The following TRPC6 variants were observed in gnomAD, a reference collection of about 807,000 sequenced individuals.
The protein encoded by TRPC6 is transient receptor potential cation channel subfamily C member 6.
In TRPC6, 55 loss-of-function variants were observed where a neutral mutation model predicts 90.7. The ratio of observed to expected loss-of-function variants is 0.61; its 90% CI spans 0.49 to 0.76. The LOEUF (loss-of-function observed/expected upper bound fraction) is 0.76. Among genes scored for constraint, TRPC6 ranks in the 30% least tolerant of loss-of-function variants. The pLI is 0.00. For synonymous variants in TRPC6, 393 were observed against 393.0 expected, an observed-to-expected ratio of 1.00 and a Z score of 0.00; for missense variants, 989 against 1,122.7, an observed-to-expected ratio of 0.88 and a Z score of 1.70.
At chr11:101,504,875 A>C in intron 1 of TRPC6, 77 bp from the exon 2 acceptor site, 2 of 1,534,592 alleles carry the variant, frequency 1.3e-6, no homozygotes, top group Non-Finnish European at 1.8e-6. Context: ...CCATTCATCT[A>C]ATACAATCCT....
chr11:101,453,667 C>T lies in TRPC6; in HGVS notation c.2627G>A (p.Ser876Asn), dbSNP rs1858816563. The T allele has an allele frequency of 1.2e-6, 2 of 1,613,970 alleles. No homozygotes were observed. Among genetic ancestry groups the T allele is most frequent in the Non-Finnish European group, 1.7e-6 (2 of 1,179,870 alleles). The change falls in exon 12 of 13, where the codon AGT becomes AAT. Residue 876 changes from serine (S) to asparagine (N), a missense_variant. Ser to Asn is a conservative substitution (Grantham distance 46, BLOSUM62 1). Coordinates refer to ENST00000344327, the MANE Select transcript of TRPC6 (RefSeq NM_004621.6). ...CAACTCACCTTCGTTCACTTCATCA[C>T]TCTCCTTATCTATCTGGGCCTGCAG... ...YVLQAQIDKE[S>N]DEVNEGELKE...
rs149528789 is a variant in TRPC6 at position 101,579,472 on chromosome 11, T to C, written c.170+3862A>G. ...ACTGACTCTCACTCTTGGTCGATTG[T>C]TTCCTTGTGTGTTTTGTTATTCATT... is the stretch of plus-strand genomic sequence containing the variant. On this transcript the variant is annotated intron_variant, in intron 1 of 12. Transcript: ENST00000344327. 2.2e-4 allele frequency among the ~76,000 whole-genome samples: 33 copies of C among 152,322 alleles called. 1 individual carries two copies. The East Asian group carries it at 6.4e-3, about 29-fold the overall frequency.
At chr11:101,453,936 A>C (rs1591518497) in intron 11 of TRPC6, among the ~76,000 whole-genome samples, 1 of 152,198 alleles carries the variant, frequency 6.6e-6, no homozygotes, top group African/African-American at 2.4e-5. Context: ...CTAATGACTC[A>C]AAAGTGAGTT....
At chr11:101,492,341 T>C (rs1859847220) in intron 2 of TRPC6, among the ~76,000 whole-genome samples, 2 of 152,086 alleles carry the variant, frequency 1.3e-5, no homozygotes, top group Non-Finnish European at 2.9e-5. Flanking sequence ...CCCCTCACTT[T>C]GGGAGGCTGA....
At chr11:101,571,601 G>T (rs1052583330) in intron 1 of TRPC6, among the ~76,000 whole-genome samples, 3 of 152,002 alleles carry the variant, frequency 2.0e-5, no homozygotes, top group Non-Finnish European at 2.9e-5. Flanking sequence ...GAGGCATCAC[G>T]CTACCTGACT....
chr11:101,471,250 T>G lies in TRPC6; in HGVS notation c.2342A>C (p.Lys781Thr). ...CTGGAACAGCTCAGAAATCCATTTT[T>G]TAAGCTTCAGTAAGAGATAAAACAG... is the stretch of plus-strand genomic sequence containing the variant. ...KSLFYLLLKL[K>T]KWISELFQGH... The change falls in exon 9 of 13, where the codon AAA becomes ACA. Residue 781 changes from lysine (K) to threonine (T), a missense_variant. Physicochemically the swap from Lys to Thr is moderately conservative, Grantham distance 78. Around this residue, in one of 4 missense-constraint regions of TRPC6, gnomAD observed 191 missense variants for 196.7 expected, o/e 0.97. Transcript: ENST00000344327. The G allele has an allele frequency of 6.2e-7, 1 of 1,614,036 alleles. No individual in the cohort carries two copies. Among genetic ancestry groups the G allele is most frequent in the Non-Finnish European group, 8.5e-7 (1 of 1,179,908 alleles).
intron 2 of TRPC6, 102 bp downstream of exon 2, chr11:101,503,922 T>A (rs1860192072): frequency 7.2e-7 from 1 of 1,394,510 alleles, no homozygotes; most frequent in Admixed American, 1.7e-5. Flanking sequence ...AATGACCTAG[T>A]GTCCACAGTA....
chr11:101,576,456 C>G (rs1862072155), intron 1 of TRPC6, among the ~76,000 whole-genome samples: 1 of 152,146 alleles, frequency 6.6e-6, no homozygotes, highest in Non-Finnish European at 1.5e-5. Context: ...GTATTCTGCT[C>G]TAAACAGAGA....
At chr11:101,454,874 G>T in intron 11 of TRPC6, 144 bp downstream of exon 11, 2 of 611,148 alleles carry the variant, frequency 3.3e-6, no homozygotes, top group Non-Finnish European at 2.8e-6. Flanking sequence ...AAAATGCCTG[G>T]TACATGGTAA....
At chr11:101,536,311 C>T (rs1343819568) in intron 1 of TRPC6, among the ~76,000 whole-genome samples, 1 of 151,908 alleles carries the variant, frequency 6.6e-6, no homozygotes, top group South Asian at 2.1e-4. Flanking sequence ...CGCTTGAATC[C>T]GGGAGGCGGA....
intron 10 of TRPC6, among the ~76,000 whole-genome samples, chr11:101,465,341 T>C (rs1334641346): frequency 6.6e-6 from 1 of 152,218 alleles, no homozygotes; most frequent in East Asian, 1.9e-4. Context: ...CCTGTCTTAC[T>C]GGGTTGGGGA....
chr11:101,477,686 T>G (rs1253983003), intron 5 of TRPC6, among the ~76,000 whole-genome samples: 1 of 152,206 alleles, frequency 6.6e-6, no homozygotes, highest in Non-Finnish European at 1.5e-5. Flanking sequence ...TATCTAAAAC[T>G]CAGTTTGTAA....
intron 3 of TRPC6, among the ~76,000 whole-genome samples, chr11:101,490,096 C>G (rs1029265643): frequency 6.6e-6 from 1 of 151,894 alleles, no homozygotes; most frequent in Non-Finnish European, 1.5e-5. Flanking sequence ...TTTTTGTTTA[C>G]GAGTAAAAGT....
intron 10 of TRPC6, among the ~76,000 whole-genome samples, chr11:101,468,513 A>T (rs1444734268): frequency 2.0e-5 from 3 of 152,248 alleles, no homozygotes; most frequent in Admixed American, 1.3e-4. Flanking sequence ...TCAATGAGAT[A>T]TAACAACAGA....
rs1325101835 is a variant in TRPC6 at position 101,453,601 on chromosome 11, C to G, written c.2644+49G>C. The G allele has an allele frequency of 2.6e-6, 4 of 1,566,720 alleles. No individual in the cohort carries two copies. In the African/African-American group the frequency reaches 5.4e-5, roughly 21 times the overall value. ...TCTCCAGGCACTCTGCGCTAGGCCC[C>G]CGTCCTGACTCACATTCAGGGGCTG... On this transcript the variant is annotated intron_variant, in intron 12 of 12. Coordinates refer to ENST00000344327, the MANE Select transcript of TRPC6 (RefSeq NM_004621.6).
chr11:101,550,702 AAC>A (rs1370474736), intron 1 of TRPC6, among the ~76,000 whole-genome samples: 1 of 151,800 alleles, frequency 6.6e-6, no homozygotes, highest in Non-Finnish European at 1.5e-5. Flanking sequence ...TACATTATAA[AAC>A]ACAAACAGAT....
chr11:101,502,434 G>C (rs1591092415), intron 2 of TRPC6, among the ~76,000 whole-genome samples: 1 of 152,138 alleles, frequency 6.6e-6, no homozygotes, highest in East Asian at 1.9e-4. Flanking sequence ...GTAAAAAAGA[G>C]CAGGGACTCC....
intron 1 of TRPC6, among the ~76,000 whole-genome samples, chr11:101,529,775 C>G (rs1413701569): frequency 1.3e-5 from 2 of 152,178 alleles, no homozygotes; most frequent in Non-Finnish European, 2.9e-5. Flanking sequence ...CAGCCATCCA[C>G]TGATAGAAGT....
intron 1 of TRPC6, among the ~76,000 whole-genome samples, chr11:101,535,190 G>A (rs1861011566): frequency 2.9e-5 from 1 of 34,680 alleles, no homozygotes; most frequent in Non-Finnish European, 7.0e-5. Flanking sequence ...AAGGAAGGAA[G>A]GAAGGAAGGA....
Sources: allele counts gnomAD v4.1 joint callset (sites outside exome capture counted in the v4.1 genomes callset), GRCh38; gene constraint gnomAD v4.1.1; regional missense constraint gnomAD v4.1.1; transcripts MANE v1.5; gene names NCBI Gene and HGNC (gene_info 2026-07-23, HGNC 2026-07-21).